Variants in RGS3 observed in about 807,000 individuals in gnomAD.
The protein encoded by RGS3 is regulator of G-protein signalling 3.
A neutral mutation model predicts 132.6 loss-of-function variants in RGS3; 80 were observed. The ratio of observed to expected loss-of-function variants is 0.60; its 90% CI spans 0.50 to 0.73. The LOEUF is 0.73. RGS3 is among the 30% of genes least tolerant of loss of function. The pLI is 0.00. For synonymous variants in RGS3, 598 were observed against 620.6 expected (o/e 0.96, Z 0.54); for missense variants, 1,382 against 1,530.8 (o/e 0.90, Z 1.62).
intron 18 of RGS3, among the ~76,000 whole-genome samples, chr9:113,534,739 G>A: frequency 6.6e-6 from 1 of 151,292 alleles, no homozygotes; most frequent in East Asian, 2.0e-4. Flanking sequence ...ATCCTCCCAA[G>A]TAGCTGGGAC....
At chr9:113,578,091 AGATAGC>A (rs1834617480) in intron 19 of RGS3, among the ~76,000 whole-genome samples, 1 of 152,226 alleles carries the variant, frequency 6.6e-6, no homozygotes, top group African/African-American at 2.4e-5. Context: ...CAGATGGTGC[AGATAGC>A]GATTGTGGCC....
At chr9:113,527,935 T>C (rs974553598) in intron 17 of RGS3, among the ~76,000 whole-genome samples, 6 of 152,002 alleles carry the variant, frequency 3.9e-5, no homozygotes, top group African/African-American at 1.5e-4. Flanking sequence ...ATTTGAGAGG[T>C]GGGCTGTGTA....
At chr9:113,479,320 G>A in intron 3 of RGS3, 171 bp from the exon 2 acceptor site, 1 of 696,324 alleles carries the variant, frequency 1.4e-6, no homozygotes, top group Non-Finnish European at 2.6e-6. Context: ...CCGATGTGGT[G>A]GGCGGGGCTG....
rs1835449543 is a variant in RGS3 at position 113,591,907 on chromosome 9, C to CTTCT, written c.3080+511_3080+512insTCTT. On this transcript the variant is annotated intron_variant, in intron 21 of 24. Transcript: ENST00000350696. The surrounding 1 kb of genome is among the most constrained non-coding windows in gnomAD (Gnocchi z 4.4). ...CTGGCCACACTCAGGCCTTCTTATACTATAGGGTGTTTGTTAGAGGTGTCA... is the reference window on the plus strand; with the variant it reads ...CTGGCCACACTCAGGCCTTCTTATACTTCTTATAGGGTGTTTGTTAGAGGTGTCA... The CTTCT allele has an allele frequency of 6.2e-6, 1 of 162,026 alleles. No homozygotes were observed. Among genetic ancestry groups the CTTCT allele is most frequent in the Non-Finnish European group, 1.4e-5 (1 of 72,808 alleles). 10.0% of individuals were successfully genotyped at this position (162,026 alleles called of 1,614,324 possible). A position where few individuals can be genotyped will look rare whatever the true frequency, so the allele number is the denominator to read the frequency against.
At chr9:113,559,611 G>C (rs1166136048) in intron 19 of RGS3, among the ~76,000 whole-genome samples, 1 of 152,216 alleles carries the variant, frequency 6.6e-6, no homozygotes, top group African/African-American at 2.4e-5. Flanking sequence ...TAGCAAGGGG[G>C]AGACATTTGG....
chr9:113,589,522 G>A (rs994137678), intron 20 of RGS3, among the ~76,000 whole-genome samples: 2 of 152,222 alleles, frequency 1.3e-5, no homozygotes, highest in African/African-American at 2.4e-5. Flanking sequence ...GCAGCGCAGA[G>A]GCTGAGGATG....
chr9:113,490,694 T>C (rs1830480267), intron 7 of RGS3, among the ~76,000 whole-genome samples: 1 of 141,482 alleles, frequency 7.1e-6, no homozygotes, highest in South Asian at 2.1e-4. Context: ...TATAATATAT[T>C]ATATTATATT....
chr9:113,536,369 ATGGGTTCTG>A (rs1832674880), intron 18 of RGS3: 4 of 504,134 alleles, frequency 7.9e-6, no homozygotes, highest in Non-Finnish European at 7.7e-6. Flanking sequence ...TGTGAGGAAG[ATGGGTTCTG>A]TGAGCCAGGG....
chr9:113,532,765 C>T (rs536251797), intron 18 of RGS3, among the ~76,000 whole-genome samples: 23 of 152,318 alleles, frequency 1.5e-4, no homozygotes, highest in African/African-American at 4.6e-4. Flanking sequence ...GTAGGTGGCT[C>T]TCTCACTGTG....
At chr9:113,452,911 TATATATTTATATATAATATATAAATAAA>T (rs1829277849) in intron 1 of RGS3, among the ~76,000 whole-genome samples, 1 of 135,638 alleles carries the variant, frequency 7.4e-6, no homozygotes. Context: ...AAATATATAT[TATATATTTATATATAATATATAAATAAA>T]ATATATTTAT....
intron 1 of RGS3, chr9:113,460,396 G>A: frequency 9.0e-6 from 2 of 223,018 alleles, no homozygotes; most frequent in Non-Finnish European, 1.8e-5. Flanking sequence ...GCGGGTGCCT[G>A]TAGTCCCAGC....
intron 14 of RGS3, among the ~76,000 whole-genome samples, chr9:113,511,230 C>G (rs180787445): frequency 2.0e-5 from 3 of 152,240 alleles, no homozygotes; most frequent in African/African-American, 4.8e-5. Flanking sequence ...TGCCAGGGCT[C>G]GCCTCAGAAT....
Position 113,597,123 on chromosome 9 carries a change from C to T in RGS3, c.*170C>T. The T allele has an allele frequency of 8.2e-6, 5 of 607,848 alleles. 1 individual carries two copies. The South Asian group carries it at 1.1e-4, about 13-fold the overall frequency. The allele number at this position is 607,848 out of a possible 1,614,324, so 37.7% of individuals were successfully genotyped here. A position where few individuals can be genotyped will look rare whatever the true frequency, so the allele number is the denominator to read the frequency against. On this transcript the variant is annotated 3_prime_UTR_variant, in exon 25 of 25. Transcript: ENST00000350696. ...CCTGGACCAAGAGAGGCCCAGGCTA[C>T]TGGAGGAGTAGAAGGATGGGCCCCG...
At chr9:113,452,027 G>T (rs528553028) in intron 1 of RGS3, among the ~76,000 whole-genome samples, 2 of 152,038 alleles carry the variant, frequency 1.3e-5, no homozygotes, top group Admixed American at 1.3e-4. Context: ...GAGTCAGGGG[G>T]TCACTCTGTT....
At chr9:113,588,008 C>G (rs1248544156) in intron 20 of RGS3, among the ~76,000 whole-genome samples, 2 of 152,218 alleles carry the variant, frequency 1.3e-5, no homozygotes, top group Admixed American at 6.5e-5. Context: ...GTGTTTGGGT[C>G]CAGGATGCTG....
In RGS3 at chr9:113,565,417, G is replaced by C. The variant is rs1309766257; in HGVS notation, c.2038-18033G>C. The C allele has an allele frequency of 7.9e-7, 1 of 1,273,854 alleles. No homozygotes were observed. 78.9% of individuals were successfully genotyped at this position (1,273,854 alleles called of 1,614,324 possible). Reference sequence around the variant, plus strand: ...GGAAGAGGAGGAGGACAAGTAGGAGGAGGAGGAAGAGGAGGAGGGACGGGT... The same window carrying C: ...GGAAGAGGAGGAGGACAAGTAGGAGCAGGAGGAAGAGGAGGAGGGACGGGT... On this transcript the variant is annotated intron_variant, in intron 19 of 24. Transcript: ENST00000350696. This position sits in a 1 kb window ranked among gnomAD's most constrained non-coding sequence, Gnocchi z 5.7.
chr9:113,489,033 C>T (rs1406509785), intron 7 of RGS3, among the ~76,000 whole-genome samples: 1 of 152,246 alleles, frequency 6.6e-6, no homozygotes, highest in Non-Finnish European at 1.5e-5. Context: ...GAATTCTTCT[C>T]TGTGCCAAGC....
intron 19 of RGS3, chr9:113,580,640 A>G (rs2118954750): frequency 4.2e-6 from 1 of 237,918 alleles, no homozygotes; most frequent in South Asian, 1.5e-4. Context: ...CCCTCTGAGA[A>G]CCCTTCCATC....
intron 18 of RGS3, among the ~76,000 whole-genome samples, chr9:113,536,316 C>T (rs904408042): frequency 2.0e-5 from 3 of 152,214 alleles, no homozygotes; most frequent in Non-Finnish European, 4.4e-5. Context: ...TATGCCCGTC[C>T]AACCACCCGT....
Sources: allele counts gnomAD v4.1 joint callset (sites outside exome capture counted in the v4.1 genomes callset), GRCh38; gene constraint gnomAD v4.1.1; non-coding constraint Gnocchi (gnomAD v3.1); transcripts MANE v1.5; gene names NCBI Gene and HGNC (gene_info 2026-07-23, HGNC 2026-07-21).